Variants in FNDC3A observed in about 807,000 individuals in gnomAD.
FNDC3A encodes fibronectin type-III domain-containing protein 3A.
Under a neutral mutation model 148.9 loss-of-function variants are expected in FNDC3A, and 32 were observed. The observed-to-expected ratio is 0.21, with a 90% CI of 0.16 to 0.29. The LOEUF is 0.29. Among genes scored for constraint, FNDC3A ranks in the 10% least tolerant of loss-of-function variants. The pLI is 1.00. For missense variants in FNDC3A, 1,191 were observed against 1,452.8 expected (o/e 0.82, Z 2.93); for synonymous variants, 472 against 473.6 (o/e 1.00, Z 0.04).
intron 8 of FNDC3A, among the ~76,000 whole-genome samples, chr13:49,158,979 A>T (rs1214884821): frequency 1.3e-5 from 2 of 152,132 alleles, no homozygotes; most frequent in African/African-American, 4.8e-5. Flanking sequence ...ATTGGTCTAC[A>T]TCTCTGTTTT....
chr13:49,028,265 CTT>C (rs1357507297), intron 2 of FNDC3A, among the ~76,000 whole-genome samples: 2 of 151,988 alleles, frequency 1.3e-5, no homozygotes, highest in East Asian at 1.9e-4. Context: ...AAGAGACACT[CTT>C]TATTTTTTAA....
intron 1 of FNDC3A, among the ~76,000 whole-genome samples, chr13:48,983,810 A>G (rs891219713): frequency 2.0e-5 from 3 of 152,228 alleles, no homozygotes; most frequent in Non-Finnish European, 4.4e-5. Flanking sequence ...TAATAGAAGC[A>G]CTTTCATTAA....
Position 49,145,842 on chromosome 13 carries a change from G to A in FNDC3A, c.884G>A (p.Gly295Asp), listed in dbSNP as rs775169432. ...TWSPPSSLIN[G>D]ETDESSVPEL... ...TCACCACCTTCCAGCCTCATTAATG[G>A]TGAAACAGATGAAAGTAGTGTACCA... is the stretch of plus-strand genomic sequence containing the variant. The change falls in exon 8 of 26, where the codon GGT (glycine) becomes GAT (aspartate). Residue 295 changes from glycine (G) to aspartate (D), a missense_variant. By Grantham distance (94) the Gly-to-Asp change is moderately conservative (BLOSUM62 -1). This residue lies in a region of FNDC3A where 426 missense variants were observed against 473.2 expected (regional missense o/e 0.90). Coordinates refer to ENST00000492622, the MANE Select transcript of FNDC3A (RefSeq NM_001079673.2). 6.2e-7 allele frequency: 1 copy of A among 1,613,606 alleles called. No homozygotes were observed. The highest frequency in any genetic ancestry group is 8.5e-7 in the Non-Finnish European group (1 of 1,179,584).
chr13:49,129,621 A>G (rs559419767), intron 4 of FNDC3A, among the ~76,000 whole-genome samples: 1 of 152,312 alleles, frequency 6.6e-6, no homozygotes, highest in East Asian at 1.9e-4. Flanking sequence ...GTTCCCATCA[A>G]TCATATATGT....
intron 2 of FNDC3A, among the ~76,000 whole-genome samples, chr13:49,047,910 A>G (rs992076931): frequency 6.6e-6 from 1 of 152,150 alleles, no homozygotes; most frequent in African/African-American, 2.4e-5. Context: ...GTTATCTGCT[A>G]GAATTTTTAT....
At chr13:49,144,762 A>G (rs774934746) in intron 7 of FNDC3A, among the ~76,000 whole-genome samples, 1 of 152,230 alleles carries the variant, frequency 6.6e-6, no homozygotes, top group Non-Finnish European at 1.5e-5. Context: ...ATCCCCAAAG[A>G]TAACAATTGG....
chr13:49,187,086 G>C (rs764587822), intron 15 of FNDC3A, 36 bp from the exon 16 acceptor site: 9 of 1,465,374 alleles, frequency 6.1e-6, no homozygotes, highest in African/African-American at 1.4e-5. Flanking sequence ...ATGTTGTTTT[G>C]TACCTTGCCT....
Position 48,991,375 on chromosome 13 carries a change from A to G in FNDC3A, c.-39-14777A>G, listed in dbSNP as rs1165417615. 5.3e-5 allele frequency among the ~76,000 whole-genome samples: 8 copies of G among 152,326 alleles called. No homozygotes were observed. The East Asian group carries it at 1.4e-3, about 26-fold the overall frequency. On this transcript the variant is annotated intron_variant, in intron 1 of 25. Transcript: ENST00000492622. ...AAGGGATTAATTAAGAGGGCATGCAATTATAAATATGCATCTAGTATAGGA... is the reference window on the plus strand; with the variant it reads ...AAGGGATTAATTAAGAGGGCATGCAGTTATAAATATGCATCTAGTATAGGA...
At chr13:49,123,943 C>G (rs933540004) in intron 4 of FNDC3A, among the ~76,000 whole-genome samples, 12 of 152,154 alleles carry the variant, frequency 7.9e-5, no homozygotes, top group Admixed American at 4.6e-4. Context: ...GTGGCAATTC[C>G]TCAAGGATCT....
chr13:49,059,424 A>G (rs1241701782), intron 2 of FNDC3A, among the ~76,000 whole-genome samples: 1 of 152,214 alleles, frequency 6.6e-6, no homozygotes, highest in Non-Finnish European at 1.5e-5. Context: ...TGTGAAAGAC[A>G]GTCTATAGAA....
chr13:49,194,106 C>A (rs901776018), intron 19 of FNDC3A, among the ~76,000 whole-genome samples: 8 of 151,900 alleles, frequency 5.3e-5, no homozygotes, highest in African/African-American at 1.9e-4. Flanking sequence ...ACTAAAAATA[C>A]AAAAATTAGC....
rs1878041175 is a variant in FNDC3A at position 49,075,599 on chromosome 13, T to G, written c.175+235T>G. Among the ~76,000 whole-genome samples the G allele has an allele frequency of 1.3e-5, 2 of 152,212 alleles. 1 individual carries two copies. The highest frequency in any genetic ancestry group is 4.1e-4 in the South Asian group (2 of 4,834). ...ATATATTATATTGTTCATGTCTCTT[T>G]CCTGTTCAGCAATCTTTATCAAATC... On this transcript the variant is annotated intron_variant, in intron 3 of 25. Coordinates refer to ENST00000492622, the MANE Select transcript of FNDC3A (RefSeq NM_001079673.2).
chr13:49,056,582 G>A (rs1876262447), intron 2 of FNDC3A, among the ~76,000 whole-genome samples: 1 of 152,082 alleles, frequency 6.6e-6, no homozygotes, highest in Non-Finnish European at 1.5e-5. Flanking sequence ...CTATTAAAAT[G>A]TATTTTGGAC....
chr13:49,078,761 C>T (rs145050890), intron 3 of FNDC3A, among the ~76,000 whole-genome samples: 4 of 152,150 alleles, frequency 2.6e-5, no homozygotes, highest in Non-Finnish European at 5.9e-5. Context: ...TGGACTAGCT[C>T]TGGATCTAGG....
At chr13:49,073,687 AATATATATGTATATATAATATATATGTGT>A (rs1313180751) in intron 2 of FNDC3A, among the ~76,000 whole-genome samples, 2 of 146,932 alleles carry the variant, frequency 1.4e-5, no homozygotes, top group African/African-American at 5.0e-5. Context: ...ACATATATAA[AATATATATGTATATATAATATATATGTGT>A]ATATATAATA....
chr13:49,064,562 A>C (rs1448397078), intron 2 of FNDC3A, among the ~76,000 whole-genome samples: 1 of 152,154 alleles, frequency 6.6e-6, no homozygotes, highest in African/African-American at 2.4e-5. Flanking sequence ...CCTGAGGGAA[A>C]GTGACAGGAA....
intron 2 of FNDC3A, among the ~76,000 whole-genome samples, chr13:49,041,730 G>A (rs1414310580): frequency 6.7e-6 from 1 of 150,128 alleles, no homozygotes; most frequent in African/African-American, 2.5e-5. Context: ...AGATTTGCTT[G>A]AACCCAGGAT....
intron 8 of FNDC3A, among the ~76,000 whole-genome samples, chr13:49,158,887 C>T (rs1453543464): frequency 2.6e-5 from 4 of 152,120 alleles, no homozygotes; most frequent in Admixed American, 1.3e-4. Flanking sequence ...ATCCTTTCCC[C>T]GTTTCTTGTT....
At chr13:49,106,773 C>CA (rs543962565) in intron 3 of FNDC3A, among the ~76,000 whole-genome samples, 57,255 of 80,010 alleles carry the variant, frequency 0.72, 19,988 homozygotes, top group East Asian at 0.88. Flanking sequence ...TGAATGAAAG[C>CA]AAAAAAAAAA....
Sources: allele counts gnomAD v4.1 joint callset (sites outside exome capture counted in the v4.1 genomes callset), GRCh38; gene constraint gnomAD v4.1.1; regional missense constraint gnomAD v4.1.1; transcripts MANE v1.5; gene names NCBI Gene and HGNC (gene_info 2026-07-23, HGNC 2026-07-21).